RANBP2: variants seen among roughly 807,000 people sequenced by gnomAD.
RANBP2 encodes the protein RAN binding protein 2, also known as E3 SUMO-protein ligase RanBP2.
In RANBP2, 57 loss-of-function variants were observed where a neutral mutation model predicts 303.6. The observed-to-expected ratio is 0.19, with a 90% CI of 0.15 to 0.23. The LOEUF is 0.23. Ranked by LOEUF, RANBP2 falls within the 10% of genes least tolerant of loss-of-function variation. The pLI, the probability that RANBP2 is intolerant of heterozygous loss-of-function variation, is 1.00. For synonymous variants in RANBP2, 1,167 were observed against 1,301.5 expected (o/e 0.90, Z 2.23); for missense variants, 3,138 against 3,780.8 (o/e 0.83, Z 4.46).
the RANBP2 span, among the ~76,000 whole-genome samples, chr2:108,942,957 G>A: frequency 6.6e-6 from 1 of 152,148 alleles, no homozygotes; most frequent in Admixed American, 6.5e-5. Flanking sequence ...ATGCCTTCCC[G>A]GCCCCTTCGC....
intron 20 of RANBP2, among the ~76,000 whole-genome samples, chr2:108,769,612 T>C (rs1171277619): frequency 6.6e-6 from 1 of 151,868 alleles, no homozygotes; most frequent in African/African-American, 2.4e-5. Context: ...TTTTATCTAA[T>C]GTTTATGTTT....
At chr2:109,347,732 G>C in the RANBP2 span, 2 of 1,613,936 alleles carry the variant, frequency 1.2e-6, no homozygotes, top group Non-Finnish European at 1.7e-6. Flanking sequence ...AAGGAACCTG[G>C]TGACCTCAAG....
chr2:109,412,595 C>G, the RANBP2 span, among the ~76,000 whole-genome samples: 5 of 152,320 alleles, frequency 3.3e-5, no homozygotes, highest in Admixed American at 3.3e-4. Flanking sequence ...AGGGTCACCC[C>G]TGCCCTTTGT....
At chr2:108,743,577 CTG>C (rs1696286960) in intron 7 of RANBP2, among the ~76,000 whole-genome samples, 4 of 152,220 alleles carry the variant, frequency 2.6e-5, no homozygotes, top group African/African-American at 9.7e-5. Flanking sequence ...CCACACCTGA[CTG>C]TGAACTTTTA....
the RANBP2 span, among the ~76,000 whole-genome samples, chr2:109,430,041 G>A: frequency 6.6e-6 from 1 of 152,198 alleles, no homozygotes; most frequent in Non-Finnish European, 1.5e-5. Context: ...GAGCAGGAGG[G>A]AGAGGAGTCC....
the RANBP2 span, among the ~76,000 whole-genome samples, chr2:108,914,854 C>A: frequency 3.9e-5 from 6 of 152,216 alleles, no homozygotes; most frequent in Non-Finnish European, 5.9e-5. Context: ...TGGCCCAGCA[C>A]TGTGCCTGGT....
the RANBP2 span, among the ~76,000 whole-genome samples, chr2:109,528,235 C>T: frequency 6.6e-6 from 1 of 152,204 alleles, no homozygotes. Flanking sequence ...GAGGGATACC[C>T]TGTGCCCCGC....
the RANBP2 span, among the ~76,000 whole-genome samples, chr2:108,877,422 C>T: frequency 5.9e-5 from 9 of 152,052 alleles, no homozygotes; most frequent in African/African-American, 2.2e-4. Context: ...GCCAAGATCA[C>T]GCCATTGCAC....
intron 2 of RANBP2, 149 bp from the exon 3 acceptor site, chr2:108,730,625 C>T (rs1008569012): frequency 1.6e-5 from 18 of 1,122,904 alleles, no homozygotes; most frequent in Admixed American, 8.8e-5. Context: ...TCTATGAGTA[C>T]TTCTGAGTTA....
At chr2:109,714,225 A>T in the RANBP2 span, among the ~76,000 whole-genome samples, 4 of 152,006 alleles carry the variant, frequency 2.6e-5, no homozygotes, top group African/African-American at 9.7e-5. Context: ...AGCTGGACCA[A>T]TAGGCACGTT....
chr2:109,162,927 C>A, the RANBP2 span, among the ~76,000 whole-genome samples: 1 of 152,172 alleles, frequency 6.6e-6, no homozygotes, highest in African/African-American at 2.4e-5. Context: ...AGCCTCTTGG[C>A]TGATGCCTTT....
At chr2:108,795,299 T>G in the RANBP2 span, among the ~76,000 whole-genome samples, 16 of 151,520 alleles carry the variant, frequency 1.1e-4, no homozygotes, top group Non-Finnish European at 5.9e-5. Context: ...GGATTACAGG[T>G]GCACCCCATC....
chr2:108,764,401 C>T lies in RANBP2; in HGVS notation c.3862C>T (p.Pro1288Ser), dbSNP rs565966039. The T allele has an allele frequency of 6.2e-7, 1 of 1,613,970 alleles. No homozygotes were observed. The highest frequency in any genetic ancestry group is 1.1e-5 in the South Asian group (1 of 91,080). The change falls in exon 20 of 29, where the codon CCT becomes TCT. Residue 1288 changes from proline (P) to serine (S), a missense_variant. By Grantham distance (74) the Pro-to-Ser change is moderately conservative (BLOSUM62 -1). Coordinates refer to ENST00000283195, the MANE Select transcript of RANBP2 (RefSeq NM_006267.5). ...ACAACTTGCTATTAGGTTCAAAACTCCTGAGGAAGCAGCACTTTTTAAATG... is the reference window on the plus strand; with the variant it reads ...ACAACTTGCTATTAGGTTCAAAACTTCTGAGGAAGCAGCACTTTTTAAATG... ...PEQLAIRFKT[P>S]EEAALFKCKF...
chr2:108,788,121 C>G, downstream of RANBP2: 1 of 1,589,192 alleles, frequency 6.3e-7, no homozygotes, highest in Non-Finnish European at 8.5e-7. Context: ...TTGGGGGTTT[C>G]AAAAATTTAA....
the RANBP2 span, among the ~76,000 whole-genome samples, chr2:109,229,353 C>T: frequency 6.6e-6 from 1 of 152,214 alleles, no homozygotes; most frequent in South Asian, 2.1e-4. Context: ...CATACATTAA[C>T]ATGATAGTTC....
At chr2:109,371,058 C>T in the RANBP2 span, among the ~76,000 whole-genome samples, 1 of 152,140 alleles carries the variant, frequency 6.6e-6, no homozygotes, top group Non-Finnish European at 1.5e-5. Context: ...CCAGGCTTTC[C>T]CATATGGGGC....
chr2:109,667,081 A>T, the RANBP2 span: 25 of 780,714 alleles, frequency 3.2e-5, no homozygotes, highest in Non-Finnish European at 4.4e-5. Context: ...TTTCAAATAC[A>T]CATAGATCAT....
chr2:109,277,247 C>T, the RANBP2 span, among the ~76,000 whole-genome samples: 4 of 152,258 alleles, frequency 2.6e-5, no homozygotes, highest in East Asian at 7.7e-4. Flanking sequence ...CACACTTGGC[C>T]TCTCCCTCAC....
chr2:109,474,973 G>T, the RANBP2 span, among the ~76,000 whole-genome samples: 420 of 145,696 alleles, frequency 2.9e-3, 1 homozygote, highest in Non-Finnish European at 4.5e-3. Context: ...GGTTTTTTTT[G>T]TTTGTTTGTT....
Sources: gnomAD v4.1 joint callset for allele counts (sites outside exome capture counted in the v4.1 genomes callset) on GRCh38, gnomAD v4.1.1 for gene constraint, MANE v1.5 for transcripts, NCBI Gene and HGNC (gene_info 2026-07-23, HGNC 2026-07-21) for gene names.